Variants in EVI5 observed in about 807,000 individuals in gnomAD.
The protein encoded by EVI5 is ecotropic viral integration site 5, also known as ecotropic viral integration site 5 protein homolog.
EVI5 carries 73 observed loss-of-function variants against 112.0 expected under a neutral mutation model. The observed-to-expected ratio is 0.65, with a 90% CI of 0.54 to 0.79. EVI5 has a LOEUF of 0.79. EVI5 is among the 30% of genes least tolerant of loss of function. The pLI is 0.00. For missense variants in EVI5, 900 were observed against 968.8 expected (o/e 0.93, Z 0.94); for synonymous variants, 305 against 319.9 (o/e 0.95, Z 0.50).
intron 16 of EVI5, among the ~76,000 whole-genome samples, chr1:92,622,941 T>C (rs978255121): frequency 2.6e-5 from 4 of 152,234 alleles, no homozygotes; most frequent in African/African-American, 9.6e-5. Flanking sequence ...TATGCATACC[T>C]GATTTCTCAA....
intron 1 of EVI5, among the ~76,000 whole-genome samples, chr1:92,751,810 G>A (rs892265636): frequency 1.3e-5 from 2 of 151,982 alleles, no homozygotes; most frequent in African/African-American, 4.8e-5. Context: ...TCAGGAGTTC[G>A]AAACCAGCCT....
intron 18 of EVI5, among the ~76,000 whole-genome samples, chr1:92,586,803 CT>C (rs1672878569): frequency 6.6e-6 from 1 of 151,266 alleles, no homozygotes; most frequent in Non-Finnish European, 1.5e-5. Flanking sequence ...TGCAGGTTAG[CT>C]ACATATGTAT....
At chr1:92,625,720 A>C in intron 15 of EVI5, 74 bp downstream of exon 15, 1 of 1,306,676 alleles carries the variant, frequency 7.7e-7, no homozygotes, top group Non-Finnish European at 1.1e-6. Context: ...GTCATCAGGT[A>C]CTTCAAACTC....
chr1:92,766,692 T>C (rs899767884), intron 1 of EVI5, among the ~76,000 whole-genome samples: 2 of 152,220 alleles, frequency 1.3e-5, no homozygotes, highest in African/African-American at 4.8e-5. Context: ...GGTACAGTAG[T>C]TCCTCCTTAT....
intron 1 of EVI5, chr1:92,756,852 C>G: frequency 2.1e-6 from 1 of 478,748 alleles, no homozygotes; most frequent in Non-Finnish European, 4.2e-6. Context: ...GGCTGTCCCT[C>G]ACTGGCAATA....
intron 19 of EVI5, among the ~76,000 whole-genome samples, chr1:92,543,640 G>T (rs1234827933): frequency 2.0e-5 from 3 of 152,178 alleles, no homozygotes; most frequent in African/African-American, 7.2e-5. Context: ...CAACATGCCT[G>T]CCTCACAGCT....
At chr1:92,735,611 ATATAAT>A (rs1430913248) in intron 2 of EVI5, among the ~76,000 whole-genome samples, 1 of 145,298 alleles carries the variant, frequency 6.9e-6, no homozygotes, top group African/African-American at 2.5e-5. Context: ...TATGTATTAT[ATATAAT>A]TATATGATAT....
chr1:92,784,618 G>T, intron 1 of EVI5: 3 of 305,682 alleles, frequency 9.8e-6, no homozygotes, highest in Non-Finnish European at 1.4e-5. Context: ...CAGCGCCCAC[G>T]AGAAGGAGGG....
intron 19 of EVI5, among the ~76,000 whole-genome samples, chr1:92,519,352 T>C (rs1053944270): frequency 1.3e-5 from 2 of 152,116 alleles, no homozygotes; most frequent in African/African-American, 4.8e-5. Context: ...AAAGATTTCT[T>C]CAAGAAGATG....
At chr1:92,635,041 G>T (rs1029567374) in intron 14 of EVI5, among the ~76,000 whole-genome samples, 3 of 152,200 alleles carry the variant, frequency 2.0e-5, no homozygotes, top group Admixed American at 6.5e-5. Context: ...TCCTCTGGAA[G>T]CTTTGTCTCA....
chr1:92,776,497 A>C (rs953155039), intron 1 of EVI5, among the ~76,000 whole-genome samples: 6 of 152,212 alleles, frequency 3.9e-5, no homozygotes, highest in Admixed American at 6.5e-5. Context: ...TAAAATCTCC[A>C]CAACTTTATT....
At chr1:92,566,803 C>CTTTTTTTTTTT (rs57042163) in intron 18 of EVI5, among the ~76,000 whole-genome samples, 1 of 97,880 alleles carries the variant, frequency 1.0e-5, no homozygotes, top group African/African-American at 3.6e-5. Context: ...TGTGTGCCTG[C>CTTTTTTTTTTT]TTTTTTTTTT....
intron 1 of EVI5, among the ~76,000 whole-genome samples, chr1:92,773,543 G>A (rs1473821211): frequency 2.0e-5 from 3 of 152,004 alleles, no homozygotes; most frequent in Admixed American, 6.6e-5. Flanking sequence ...TTAGAAAGCT[G>A]AGGCAGGAAG....
At chr1:92,525,789 G>A (rs747367934) in intron 19 of EVI5, among the ~76,000 whole-genome samples, 2 of 152,000 alleles carry the variant, frequency 1.3e-5, no homozygotes, top group Non-Finnish European at 2.9e-5. Flanking sequence ...TGCTTCTTTC[G>A]GACCCAGGCT....
chr1:92,558,192 C>T (rs1287969747), intron 19 of EVI5, among the ~76,000 whole-genome samples: 1 of 152,170 alleles, frequency 6.6e-6, no homozygotes, highest in Non-Finnish European at 1.5e-5. Context: ...TGGTTTTGGT[C>T]CTCTCCTGGC....
chr1:92,783,707 G>A (rs1472964481), intron 1 of EVI5, among the ~76,000 whole-genome samples: 1 of 150,700 alleles, frequency 6.6e-6, no homozygotes, highest in Non-Finnish European at 1.5e-5. Context: ...AGCTACTCGC[G>A]GGGCTGAGGC....
chr1:92,653,407 T>C (rs1411919959), intron 13 of EVI5, among the ~76,000 whole-genome samples: 3 of 152,226 alleles, frequency 2.0e-5, no homozygotes, highest in Non-Finnish European at 4.4e-5. Context: ...ACCTGTGGAC[T>C]CTGAGTGACT....
intron 19 of EVI5, among the ~76,000 whole-genome samples, chr1:92,529,435 C>T (rs1481456803): frequency 2.0e-5 from 3 of 152,146 alleles, no homozygotes; most frequent in African/African-American, 7.2e-5. Flanking sequence ...TGTCAAGTAT[C>T]AGTAATTTAT....
chr1:92,707,830 A>G (rs779198247), intron 2 of EVI5, among the ~76,000 whole-genome samples: 4 of 152,218 alleles, frequency 2.6e-5, no homozygotes, highest in Admixed American at 6.5e-5. Flanking sequence ...TTTATTCACA[A>G]TAGCCCCAAA....
Sources: gnomAD v4.1 joint callset for allele counts (sites outside exome capture counted in the v4.1 genomes callset) on GRCh38, gnomAD v4.1.1 for gene constraint, MANE v1.5 for transcripts, NCBI Gene and HGNC (gene_info 2026-07-23, HGNC 2026-07-21) for gene names.